The following ENKUR variants were observed in gnomAD, a reference collection of about 807,000 sequenced individuals.
ENKUR encodes enkurin.
ENKUR carries 19 observed loss-of-function variants against 27.6 expected under a neutral mutation model. The ratio of observed to expected loss-of-function variants is 0.69; its 90% CI spans 0.48 to 1.01. The LOEUF is 1.01. Among genes scored for constraint, ENKUR ranks in the 50% least tolerant of loss-of-function variants. ENKUR has a pLI of 0.00. For missense variants in ENKUR, 312 were observed against 310.5 expected, an observed-to-expected ratio of 1.00 and a Z score of -0.04; for synonymous variants, 117 against 96.9, an observed-to-expected ratio of 1.21 and a Z score of -1.22.
chr10:25,054,842 A>C (rs954580148), intron 2 of ENKUR, among the ~76,000 whole-genome samples: 1 of 151,734 alleles, frequency 6.6e-6, no homozygotes, highest in Non-Finnish European at 1.5e-5. Context: ...AAGCCTGGCT[A>C]GTTTTTGTGT....
intron 2 of ENKUR, among the ~76,000 whole-genome samples, chr10:25,047,206 A>G (rs532879623): frequency 2.6e-5 from 4 of 152,034 alleles, no homozygotes; most frequent in African/African-American, 7.2e-5. Flanking sequence ...ACTCCCTTCA[A>G]TTTTTCCATG....
intron 2 of ENKUR, among the ~76,000 whole-genome samples, chr10:25,038,649 T>A (rs1319722351): frequency 6.6e-6 from 1 of 152,192 alleles, no homozygotes; most frequent in Non-Finnish European, 1.5e-5. Context: ...ATCTGTTATC[T>A]CTTTAATAAT....
intron 2 of ENKUR, chr10:25,023,305 C>T (rs1850761913): frequency 2.5e-6 from 4 of 1,614,086 alleles, no homozygotes; most frequent in Non-Finnish European, 3.4e-6. Flanking sequence ...AACGGATAAA[C>T]ATGCACAGCG....
In ENKUR at chr10:25,015,917, G is replaced by GAAGA; in HGVS notation, c.16_19dup (p.Ser7PhefsTer3). 6.2e-7 allele frequency: 1 copy of GAAGA among 1,608,396 alleles called. No individual in the cohort carries two copies. Among genetic ancestry groups the GAAGA allele is most frequent in the South Asian group, 1.1e-5 (1 of 89,518 alleles). On this transcript the variant is annotated frameshift_variant, in exon 1 of 6. Transcript: ENST00000331161. LOFTEE classifies it high-confidence loss of function. ...GGGTATGAGGTTATAAATGCACTCA[G>GAAGA]AAGAGCACGTTGGATCCATGGCCAC...
intron 1 of ENKUR, among the ~76,000 whole-genome samples, chr10:25,012,057 A>C (rs763751031): frequency 4.6e-5 from 7 of 152,232 alleles, no homozygotes; most frequent in Admixed American, 1.3e-4. Context: ...AAAAGGGGAC[A>C]ACGTAGAGCT....
chr10:25,061,989 A>T (rs1851334297), intron 1 of ENKUR, among the ~76,000 whole-genome samples: 1 of 152,200 alleles, frequency 6.6e-6, no homozygotes, highest in Non-Finnish European at 1.5e-5. Context: ...TCTTGGGGGT[A>T]TTTGCACAGA....
intron 1 of ENKUR, among the ~76,000 whole-genome samples, chr10:25,010,357 A>T (rs190261403): frequency 3.1e-4 from 47 of 152,304 alleles, no homozygotes; most frequent in African/African-American, 1.1e-3. Context: ...CTAAGCGGCA[A>T]AACATTCAAG....
intron 2 of ENKUR, among the ~76,000 whole-genome samples, chr10:25,046,835 C>G (rs1851126841): frequency 6.6e-6 from 1 of 152,182 alleles, no homozygotes; most frequent in Non-Finnish European, 1.5e-5. Context: ...TTTACTAAAG[C>G]ACCACAAGGG....
chr10:25,024,054 C>G lies in ENKUR; in HGVS notation c.38-28185G>C, dbSNP rs139320391. Reference sequence around the variant, plus strand: ...CAAAGGAGTTTCCAAAATTAAGCTGCGGGGAGTGGAAAAGCCTAGTAGGAG... The same window carrying G: ...CAAAGGAGTTTCCAAAATTAAGCTGGGGGGAGTGGAAAAGCCTAGTAGGAG... On this transcript the variant is annotated intron_variant, in intron 2 of 5. Coordinates refer to the ENKUR transcript ENST00000615958. 7 of 1,613,946 alleles carry G rather than the reference C, an allele frequency of 4.3e-6. No individual in the cohort carries two copies. The East Asian group carries it at 8.9e-5, about 21-fold the overall frequency.
At chr10:25,013,233 G>T (rs111437747) in intron 1 of ENKUR, among the ~76,000 whole-genome samples, 1 of 152,134 alleles carries the variant, frequency 6.6e-6, no homozygotes, top group East Asian at 1.9e-4. Context: ...TATTAGCAGC[G>T]TGAGAACAGA....
intron 1 of ENKUR, among the ~76,000 whole-genome samples, chr10:25,003,166 A>AT (rs1850228785): frequency 6.7e-5 from 10 of 150,350 alleles, no homozygotes; most frequent in East Asian, 1.9e-4. Flanking sequence ...TCTTTAATTA[A>AT]TTAATTAATT....
At chr10:24,990,755 T>G in intron 3 of ENKUR, 146 bp from the exon 4 acceptor site, 1 of 790,788 alleles carries the variant, frequency 1.3e-6, no homozygotes. Flanking sequence ...ATTCAGTGAC[T>G]TTTTTCCCTC....
chr10:25,038,160 T>C (rs370117829), intron 2 of ENKUR, among the ~76,000 whole-genome samples: 4 of 152,186 alleles, frequency 2.6e-5, no homozygotes, highest in African/African-American at 9.6e-5. Context: ...AATTGTTTTG[T>C]TTATTATAGG....
At chr10:25,060,962 C>G in intron 2 of ENKUR, 1 of 655,616 alleles carries the variant, frequency 1.5e-6, no homozygotes, top group Non-Finnish European at 2.6e-6. Flanking sequence ...GATCCTCCCA[C>G]CTCAGCCTCC....
upstream of ENKUR, among the ~76,000 whole-genome samples, chr10:25,021,047 C>A (rs955690296): frequency 6.6e-6 from 1 of 152,140 alleles, no homozygotes; most frequent in African/African-American, 2.4e-5. Flanking sequence ...CTGTGCATGG[C>A]AAAACAGTTC....
At chr10:25,024,488 GCAGT>G in intron 2 of ENKUR, 2 of 1,614,150 alleles carry the variant, frequency 1.2e-6, no homozygotes, top group Non-Finnish European at 1.7e-6. Context: ...CAAATAATTG[GCAGT>G]CAGAGAGAAA....
Position 25,024,182 on chromosome 10 carries a change from A to G in ENKUR, c.38-28313T>C. The stretch of plus-strand genomic sequence containing the variant: ...GAAATGATTGAAACTGCTTATGGGG[A>G]AAACTTTGCCTGCTCAAAAATTGCT... On this transcript the variant is annotated intron_variant, in intron 2 of 5. Transcript: ENST00000615958. 1 of 1,614,206 alleles carries G rather than the reference A, an allele frequency of 6.2e-7. No individual in the cohort carries two copies. The highest frequency in any genetic ancestry group is 8.5e-7 in the Non-Finnish European group (1 of 1,180,028).
upstream of ENKUR, among the ~76,000 whole-genome samples, chr10:25,017,086 C>T (rs56192563): frequency 0.28 from 42,456 of 152,136 alleles, 6,474 homozygotes; most frequent in East Asian, 0.5. Context: ...GCCTGCTCTT[C>T]CCCGGGTCGG....
chr10:25,003,891 C>A (rs535491139), intron 1 of ENKUR, among the ~76,000 whole-genome samples: 3 of 152,266 alleles, frequency 2.0e-5, no homozygotes, highest in African/African-American at 7.2e-5. Context: ...GTGTTATCAC[C>A]ATTTAGCTCT....
Sources: gnomAD v4.1 joint callset for allele counts (sites outside exome capture counted in the v4.1 genomes callset) on GRCh38, gnomAD v4.1.1 for gene constraint, MANE v1.5 for transcripts, NCBI Gene and HGNC (gene_info 2026-07-23, HGNC 2026-07-21) for gene names.